The following CFAP61 variants were observed in gnomAD, a reference collection of about 807,000 sequenced individuals.
The protein encoded by CFAP61 is cilia and flagella associated protein 61, also known as cilia- and flagella-associated protein 61.
CFAP61 carries 107 observed loss-of-function variants against 135.6 expected under a neutral mutation model. That is an observed-to-expected ratio of 0.79 (90% CI 0.67 to 0.93). The LOEUF (loss-of-function observed/expected upper bound fraction) is 0.93, where lower values mean the gene tolerates loss of function less well. Among genes scored for constraint, CFAP61 ranks in the 40% least tolerant of loss-of-function variants. The pLI is 0.00. For missense variants in CFAP61, 1,507 were observed against 1,556.2 expected (o/e 0.97, Z 0.53); for synonymous variants, 575 against 578.5 (o/e 0.99, Z 0.09).
intron 8 of CFAP61, among the ~76,000 whole-genome samples, chr20:20,123,971 G>GTTTTTTTTTTTTTTT (rs35528584): frequency 1.5e-5 from 1 of 65,268 alleles, no homozygotes; most frequent in Non-Finnish European, 2.9e-5. Context: ...ATATTCCTAA[G>GTTTTTTTTTTTTTTT]TTTTTTTTTT....
At chr20:20,182,339 T>C (rs1413635807) in intron 13 of CFAP61, among the ~76,000 whole-genome samples, 2 of 152,216 alleles carry the variant, frequency 1.3e-5, no homozygotes, top group African/African-American at 4.8e-5. Flanking sequence ...TACAACTTTG[T>C]CTTAAAGTCA....
At chr20:20,151,829 CAAAAAAAAA>C (rs386393498) in intron 9 of CFAP61, among the ~76,000 whole-genome samples, 1 of 53,360 alleles carries the variant, frequency 1.9e-5, no homozygotes, top group South Asian at 9.7e-4. Flanking sequence ...GACTCCGTCT[CAAAAAAAAA>C]AAAAAAAAAA....
At chr20:20,072,272 G>T (rs576749382) in intron 3 of CFAP61, among the ~76,000 whole-genome samples, 8 of 151,298 alleles carry the variant, frequency 5.3e-5, no homozygotes, top group African/African-American at 1.9e-4. Context: ...CTGCCACCAC[G>T]CCCGGCTAAT....
chr20:20,338,476 G>A (rs2058322522), intron 25 of CFAP61, among the ~76,000 whole-genome samples: 1 of 151,904 alleles, frequency 6.6e-6, no homozygotes, highest in African/African-American at 2.4e-5. Flanking sequence ...TGGAAAAAGT[G>A]ATATGTTTCT....
intron 26 of CFAP61, among the ~76,000 whole-genome samples, chr20:20,343,381 T>C: frequency 6.6e-6 from 1 of 151,974 alleles, no homozygotes; most frequent in East Asian, 1.9e-4. Context: ...GAAACAGAGG[T>C]TTAAAGTTAA....
At chr20:20,177,751 C>T (rs908965574) in intron 13 of CFAP61, among the ~76,000 whole-genome samples, 5 of 150,486 alleles carry the variant, frequency 3.3e-5, no homozygotes, top group Admixed American at 6.7e-5. Context: ...GCACTAAGGG[C>T]GAACGTGAAG....
At chr20:20,149,034 AC>A (rs750655501) in intron 9 of CFAP61, among the ~76,000 whole-genome samples, 3 of 152,216 alleles carry the variant, frequency 2.0e-5, no homozygotes, top group Admixed American at 6.5e-5. Context: ...CAACTTCATT[AC>A]TCATGAAAAA....
chr20:20,075,428 C>A, intron 5 of CFAP61, 61 bp from the exon 6 acceptor site: 1 of 1,580,308 alleles, frequency 6.3e-7, no homozygotes, highest in South Asian at 1.1e-5. Flanking sequence ...ACATTTTGTT[C>A]TGACATCCCA....
chr20:20,232,346 CT>C (rs11087316), intron 18 of CFAP61, among the ~76,000 whole-genome samples: 3,192 of 150,640 alleles, frequency 0.021, 111 homozygotes, highest in African/African-American at 0.072. Flanking sequence ...TTCCAGAATC[CT>C]TTTTTTTTAA....
intron 2 of CFAP61, among the ~76,000 whole-genome samples, chr20:20,065,027 T>C (rs759988790): frequency 9.9e-5 from 15 of 152,158 alleles, no homozygotes; most frequent in Non-Finnish European, 2.2e-4. Flanking sequence ...AACAGACGCA[T>C]ACTATATGAA....
intron 9 of CFAP61, among the ~76,000 whole-genome samples, chr20:20,158,113 G>C (rs1429242426): frequency 6.8e-6 from 1 of 147,202 alleles, no homozygotes; most frequent in Non-Finnish European, 1.5e-5. Context: ...AGGGGGGAGG[G>C]ATAGCATTGG....
chr20:20,057,546 G>T (rs751319786), intron 2 of CFAP61, among the ~76,000 whole-genome samples: 1 of 152,172 alleles, frequency 6.6e-6, no homozygotes, highest in Non-Finnish European at 1.5e-5. Flanking sequence ...CAAACAGTAC[G>T]TTGGAAACCT....
chr20:20,222,271 A>T (rs1234963087), intron 17 of CFAP61, among the ~76,000 whole-genome samples: 6 of 152,232 alleles, frequency 3.9e-5, no homozygotes, highest in Non-Finnish European at 8.8e-5. Context: ...AATAGGGAAT[A>T]TGGGTATATG....
intron 2 of CFAP61, among the ~76,000 whole-genome samples, chr20:20,060,777 G>C (rs1486390830): frequency 6.6e-6 from 1 of 152,198 alleles, no homozygotes. Context: ...CTTCCACTGG[G>C]TCTCCGGAAG....
At chr20:20,086,518 G>C (rs999183807) in intron 6 of CFAP61, among the ~76,000 whole-genome samples, 2 of 151,970 alleles carry the variant, frequency 1.3e-5, no homozygotes, top group East Asian at 1.9e-4. Context: ...TATGGACTTT[G>C]CCGGTTTCTT....
chr20:20,132,864 T>TACCCTTTCTATTTTC (rs2050648174), intron 8 of CFAP61, among the ~76,000 whole-genome samples: 1 of 152,158 alleles, frequency 6.6e-6, no homozygotes, highest in Non-Finnish European at 1.5e-5. Flanking sequence ...CTTCTATTTT[T>TACCCTTTCTATTTTC]ACCCTTTCTA....
chr20:20,260,199 A>G (rs2052043906), intron 20 of CFAP61, among the ~76,000 whole-genome samples: 1 of 152,216 alleles, frequency 6.6e-6, no homozygotes, highest in Admixed American at 6.5e-5. Context: ...TATGTGATGA[A>G]CCATTCAGAA....
chr20:20,246,672 C>T (rs1365814607), intron 19 of CFAP61, among the ~76,000 whole-genome samples: 1 of 152,226 alleles, frequency 6.6e-6, no homozygotes, highest in Non-Finnish European at 1.5e-5. Context: ...CCAGTAGAAT[C>T]ACTATTTGAC....
intron 9 of CFAP61, 82 bp from the exon 10 acceptor site, chr20:20,159,288 C>A (rs2053204094): frequency 2.4e-6 from 3 of 1,268,030 alleles, no homozygotes; most frequent in Admixed American, 3.7e-5. Flanking sequence ...GGGTCTGAAC[C>A]CTGGCAGTTT....
Sources: gnomAD v4.1 joint callset for allele counts (sites outside exome capture counted in the v4.1 genomes callset) on GRCh38, gnomAD v4.1.1 for gene constraint, MANE v1.5 for transcripts, NCBI Gene and HGNC (gene_info 2026-07-23, HGNC 2026-07-21) for gene names.